Variants in RDH13 observed in about 807,000 individuals in gnomAD.
RDH13 encodes retinol dehydrogenase 13.
In RDH13, 35 loss-of-function variants were observed where a neutral mutation model predicts 28.3. The observed-to-expected ratio is 1.24, with a 90% CI of 0.95 to 1.64. The LOEUF (loss-of-function observed/expected upper bound fraction) is 1.64, where lower values mean the gene tolerates loss of function less well. RDH13 is among the 40% of genes most tolerant of loss of function. The pLI is 0.00. For synonymous variants in RDH13, 229 were observed against 198.5 expected (o/e 1.15, Z -1.29); for missense variants, 514 against 446.3 (o/e 1.15, Z -1.37).
rs142936402 is a variant in RDH13, at chr19:55,059,247, T to C, written c.94A>G (p.Ser32Gly). 7.3e-4 allele frequency: 1,175 copies of C among 1,603,256 alleles called. 8 individuals are homozygous for C. The East Asian group carries it at 0.024, about 32-fold the overall frequency. The change falls in exon 2 of 7, where the codon AGC becomes GGC. Residue 32 changes from serine (S) to glycine (G), a missense_variant. Coordinates refer to ENST00000415061, the MANE Select transcript of RDH13 (RefSeq NM_001145971.2). ...GTCTTCCCAGGGATGGTGGCCTTGCTGGGGCAAGCCCCACCGGTGACATAG... is the reference window on the plus strand; with the variant it reads ...GTCTTCCCAGGGATGGTGGCCTTGCCGGGGCAAGCCCCACCGGTGACATAG... ...KDYVTGGACP[S>G]KATIPGKTVI...
chr19:55,060,242 T>C (rs1013607243), intron 1 of RDH13, among the ~76,000 whole-genome samples: 1 of 151,476 alleles, frequency 6.6e-6, no homozygotes, highest in African/African-American at 2.4e-5. Context: ...AACCTGATTG[T>C]ACATTTGTTC....
intron 1 of RDH13, among the ~76,000 whole-genome samples, chr19:55,061,902 T>G (rs1337723484): frequency 6.6e-6 from 1 of 151,880 alleles, no homozygotes; most frequent in Admixed American, 6.6e-5. Context: ...CAGATCCCCT[T>G]TGGTCGGGAG....
At chr19:55,042,461 C>T (rs75167723), downstream of RDH13, 26 of 152,316 alleles carry the variant, frequency 1.7e-4, no homozygotes, top group African/African-American at 5.8e-4. Flanking sequence ...CGCCTGGCCA[C>T]TGTTATGTAG....
At chr19:55,050,126 G>C (rs146022891) in intron 3 of RDH13, among the ~76,000 whole-genome samples, 1 of 34,860 alleles carries the variant, frequency 2.9e-5, no homozygotes, top group Non-Finnish European at 7.4e-5. Context: ...TTTTTTTTTT[G>C]GGGGGGGGAG....
chr19:55,039,462 C>T (rs764997455), downstream of RDH13: 2 of 151,578 alleles, frequency 1.3e-5, no homozygotes, highest in African/African-American at 2.4e-5. Flanking sequence ...GCATGAGAAT[C>T]GCTTGAACCT....
At position 55,045,100 on chromosome 19, in the gene RDH13, C is replaced by A; in HGVS notation, c.970G>T (p.Val324Leu). The change falls in exon 7 of 7, where the codon GTG (valine) becomes TTG (leucine). Residue 324 changes from valine to leucine, a missense_variant. Physicochemically the swap from Val to Leu is conservative, Grantham distance 32. Coordinates refer to ENST00000415061, the MANE Select transcript of RDH13 (RefSeq NM_001145971.2). ...TATCTGGGGAGGGGCTGCTCCCTCACAGAGGGAGCCTCTAAGCCCACCAGG... is the reference window on the plus strand; with the variant it reads ...TATCTGGGGAGGGGCTGCTCCCTCAAAGAGGGAGCCTCTAAGCCCACCAGG... ...ARLVGLEAPS[V>L]REQPLPR The A allele has an allele frequency of 6.2e-7, 1 of 1,609,560 alleles. No homozygotes were observed. The highest frequency in any genetic ancestry group is 1.1e-5 in the South Asian group (1 of 90,576).
At chr19:55,060,276 G>C (rs931953987) in intron 1 of RDH13, among the ~76,000 whole-genome samples, 1 of 152,216 alleles carries the variant, frequency 6.6e-6, no homozygotes, top group South Asian at 2.1e-4. Flanking sequence ...GAGAAAAGCC[G>C]CCCTATGGCG....
In RDH13 at chr19:55,044,997, C is replaced by G; in HGVS notation, c.*77G>C. On this transcript the variant is annotated 3_prime_UTR_variant, in exon 7 of 7. Coordinates refer to ENST00000415061, the MANE Select transcript of RDH13 (RefSeq NM_001145971.2). ...CCTGGGTCTCCCGGCTCAGGTAGTG[C>G]CAGGAAGCTGCGGGCATGGCGGACA... 1 of 1,136,350 alleles carries G rather than the reference C, an allele frequency of 8.8e-7. No individual in the cohort carries two copies. Among genetic ancestry groups the G allele is most frequent in the Non-Finnish European group, 1.3e-6 (1 of 792,640 alleles). The allele number at this position is 1,136,350 out of a possible 1,614,324, so 70.4% of individuals were successfully genotyped here.
At chr19:55,067,178 G>C (rs1013935381), upstream of RDH13, 2 of 152,432 alleles carry the variant, frequency 1.3e-5, no homozygotes, top group African/African-American at 4.8e-5. Flanking sequence ...GAGAGGCAGA[G>C]GGTGGACAGG....
chr19:55,057,023 G>A (rs1426116447), intron 2 of RDH13, among the ~76,000 whole-genome samples: 1 of 152,128 alleles, frequency 6.6e-6, no homozygotes, highest in Non-Finnish European at 1.5e-5. Context: ...ATATTAGACG[G>A]CCGTGAAAAG....
intron 3 of RDH13, among the ~76,000 whole-genome samples, chr19:55,049,821 G>A (rs2075368366): frequency 1.3e-5 from 2 of 151,388 alleles, no homozygotes; most frequent in Non-Finnish European, 1.5e-5. Context: ...AGTCCCAGAG[G>A]CTGGAAGTCC....
intron 2 of RDH13, among the ~76,000 whole-genome samples, chr19:55,057,158 T>C (rs2075664971): frequency 6.6e-6 from 1 of 152,076 alleles, no homozygotes; most frequent in Non-Finnish European, 1.5e-5. Context: ...ATGTATATGA[T>C]TTCACACCTA....
intron 3 of RDH13, among the ~76,000 whole-genome samples, chr19:55,049,043 G>A (rs1246467193): frequency 6.6e-6 from 1 of 152,036 alleles, no homozygotes; most frequent in African/African-American, 2.4e-5. Flanking sequence ...CAAGGTGAGG[G>A]TGGGCCGCCC....
At chr19:55,048,231 G>T in intron 5 of RDH13, 98 bp downstream of exon 5, 1 of 1,567,410 alleles carries the variant, frequency 6.4e-7, no homozygotes, top group East Asian at 2.3e-5. Flanking sequence ...ACTCTGTTCT[G>T]GATCCACCGT....
intron 5 of RDH13, chr19:55,048,094 G>A: frequency 6.6e-7 from 1 of 1,507,890 alleles, no homozygotes; most frequent in South Asian, 1.2e-5. Context: ...AGCAGGGAAG[G>A]ACATCTGATC....
chr19:55,047,890 G>A, intron 5 of RDH13: 1 of 499,894 alleles, frequency 2.0e-6, no homozygotes, highest in African/African-American at 1.9e-5. Flanking sequence ...TGGGTTGGGA[G>A]GAGTGAGGGG....
chr19:55,046,743 C>T (rs916347133), intron 6 of RDH13: 2 of 152,246 alleles, frequency 1.3e-5, no homozygotes, highest in African/African-American at 4.8e-5. Context: ...TGGTGAAACC[C>T]CACCTCTAGC....
At chr19:55,052,717 A>G (rs1370143909) in intron 3 of RDH13, among the ~76,000 whole-genome samples, 3 of 150,340 alleles carry the variant, frequency 2.0e-5, no homozygotes, top group Admixed American at 6.6e-5. Flanking sequence ...GCTGGAGTGC[A>G]GTGGCGCCAT....
At chr19:55,045,442 C>T in intron 6 of RDH13, 133 bp from the exon 7 acceptor site, 1 of 646,090 alleles carries the variant, frequency 1.5e-6, no homozygotes, top group Non-Finnish European at 2.6e-6. Flanking sequence ...CCTTGGCTGC[C>T]TCCATCTGCA....
Sources: allele counts gnomAD v4.1 joint callset (sites outside exome capture counted in the v4.1 genomes callset), GRCh38; gene constraint gnomAD v4.1.1; transcripts MANE v1.5; gene names NCBI Gene and HGNC (gene_info 2026-07-23, HGNC 2026-07-21).